Variants in NTM observed in about 807,000 individuals in gnomAD.
NTM encodes the protein neurotrimin.
In NTM, 13 loss-of-function variants were observed where a neutral mutation model predicts 42.1. The ratio of observed to expected loss-of-function variants is 0.31; its 90% CI spans 0.20 to 0.49. NTM has a LOEUF of 0.49. NTM is among the 20% of genes least tolerant of loss of function. NTM has a pLI of 0.99. For missense variants in NTM, 373 were observed against 452.8 expected, an observed-to-expected ratio of 0.82 and a Z score of 1.60; for synonymous variants, 187 against 179.2, an observed-to-expected ratio of 1.04 and a Z score of -0.35.
intron 1 of NTM, among the ~76,000 whole-genome samples, chr11:131,407,329 C>T (rs752538282): frequency 4.6e-5 from 7 of 152,158 alleles, no homozygotes; most frequent in African/African-American, 1.7e-4. Flanking sequence ...AAAAGACAGC[C>T]CTCTGCACTG....
At chr11:132,260,320 A>G (rs573671624) in intron 4 of NTM, among the ~76,000 whole-genome samples, 6 of 152,268 alleles carry the variant, frequency 3.9e-5, no homozygotes, top group Non-Finnish European at 7.3e-5. Context: ...TCAAAGTCAC[A>G]CAGCTAATTA....
chr11:131,670,770 C>G (rs552362782), intron 1 of NTM, among the ~76,000 whole-genome samples: 145 of 152,282 alleles, frequency 9.5e-4, no homozygotes, highest in African/African-American at 3.3e-3. Context: ...GTCCGAGAGG[C>G]GTAGCCCTTC....
intron 2 of NTM, among the ~76,000 whole-genome samples, chr11:132,016,558 A>C (rs2073449641): frequency 6.6e-6 from 1 of 151,998 alleles, no homozygotes; most frequent in Non-Finnish European, 1.5e-5. Context: ...CTAGACATTT[A>C]AATAGCTTCC....
At chr11:131,697,866 T>A (rs1481636885) in intron 1 of NTM, among the ~76,000 whole-genome samples, 3 of 152,186 alleles carry the variant, frequency 2.0e-5, no homozygotes, top group East Asian at 1.9e-4. Context: ...ATTTGGACTA[T>A]GAGAACAACT....
chr11:131,745,988 G>A (rs1247649484), intron 1 of NTM, among the ~76,000 whole-genome samples: 1 of 151,934 alleles, frequency 6.6e-6, no homozygotes, highest in African/African-American at 2.4e-5. Context: ...CCTTTATCAC[G>A]TGCGCTGGTG....
chr11:131,762,181 C>A (rs962966190), intron 1 of NTM, among the ~76,000 whole-genome samples: 2 of 152,234 alleles, frequency 1.3e-5, no homozygotes, highest in African/African-American at 4.8e-5. Flanking sequence ...GCCTCAGGAG[C>A]GCCCTCTTTG....
chr11:132,194,765 A>G (rs2079898215), intron 3 of NTM, among the ~76,000 whole-genome samples: 1 of 150,990 alleles, frequency 6.6e-6, no homozygotes, highest in Non-Finnish European at 1.5e-5. Context: ...CGACCACAGT[A>G]GAGTTTCAGG....
intron 2 of NTM, among the ~76,000 whole-genome samples, chr11:132,138,583 T>TATC (rs1337265080): frequency 8.7e-5 from 2 of 22,866 alleles, no homozygotes; most frequent in Admixed American, 3.8e-4. Flanking sequence ...TCTATCTATC[T>TATC]ATCTATCTAT....
intron 1 of NTM, among the ~76,000 whole-genome samples, chr11:131,402,124 G>A (rs1945307854): frequency 6.6e-6 from 1 of 151,574 alleles, no homozygotes; most frequent in South Asian, 2.1e-4. Flanking sequence ...GACCTATATG[G>A]GTGGGAGCAT....
At chr11:131,386,499 CAGAAG>C (rs943582124) in intron 1 of NTM, among the ~76,000 whole-genome samples, 4 of 152,166 alleles carry the variant, frequency 2.6e-5, no homozygotes, top group African/African-American at 9.7e-5. Context: ...TGAAAATTAA[CAGAAG>C]AGATAATCAG....
At chr11:131,820,768 CA>C (rs1272025567) in intron 1 of NTM, among the ~76,000 whole-genome samples, 1 of 152,194 alleles carries the variant, frequency 6.6e-6, no homozygotes, top group Non-Finnish European at 1.5e-5. Context: ...AGTTTCGTGA[CA>C]TTTTTTCACT....
chr11:131,981,878 G>A (rs995262268), intron 2 of NTM, among the ~76,000 whole-genome samples: 1 of 152,088 alleles, frequency 6.6e-6, no homozygotes, highest in Non-Finnish European at 1.5e-5. Flanking sequence ...TGGGCGTGGT[G>A]TCAGGTGCCT....
intron 1 of NTM, among the ~76,000 whole-genome samples, chr11:131,766,909 C>T (rs868640583): frequency 5.3e-5 from 8 of 152,200 alleles, no homozygotes; most frequent in Non-Finnish European, 1.2e-4. Flanking sequence ...TTTCTCCTCA[C>T]TTCACCTTCA....
chr11:131,500,578 T>TACA (rs1491209927), intron 1 of NTM, among the ~76,000 whole-genome samples: 12 of 1,554 alleles, frequency 7.7e-3, no homozygotes, highest in Non-Finnish European at 0.014. Context: ...TATATATATA[T>TACA]TTTTTTTTTT....
intron 3 of NTM, among the ~76,000 whole-genome samples, chr11:132,157,441 T>G (rs896935283): frequency 1.3e-5 from 2 of 152,188 alleles, no homozygotes; most frequent in Non-Finnish European, 2.9e-5. Flanking sequence ...CATCCACATT[T>G]CAAAACTAAG....
At chr11:131,819,996 A>C (rs1341338531) in intron 1 of NTM, among the ~76,000 whole-genome samples, 2 of 152,124 alleles carry the variant, frequency 1.3e-5, no homozygotes, top group African/African-American at 4.8e-5. Context: ...CCTTTGTTCC[A>C]TTTTTGAGTG....
At chr11:131,514,455 G>A (rs1237008989) in intron 1 of NTM, among the ~76,000 whole-genome samples, 1 of 152,146 alleles carries the variant, frequency 6.6e-6, no homozygotes, top group African/African-American at 2.4e-5. Context: ...GCAGATACGG[G>A]AGCCCACACC....
At chr11:132,140,232 G>A (rs1298174904) in intron 2 of NTM, among the ~76,000 whole-genome samples, 5 of 152,078 alleles carry the variant, frequency 3.3e-5, no homozygotes, top group African/African-American at 7.2e-5. Context: ...TTGCTCTCCC[G>A]GAGCCTCTCT....
At chr11:131,693,527 C>T (rs1444417020) in intron 1 of NTM, among the ~76,000 whole-genome samples, 1 of 152,154 alleles carries the variant, frequency 6.6e-6, no homozygotes, top group African/African-American at 2.4e-5. Context: ...TGCCTGACTT[C>T]CCAGGAAATC....
Sources: gnomAD v4.1 joint callset for allele counts (sites outside exome capture counted in the v4.1 genomes callset) on GRCh38, gnomAD v4.1.1 for gene constraint, MANE v1.5 for transcripts, NCBI Gene and HGNC (gene_info 2026-07-23, HGNC 2026-07-21) for gene names.